AXL: variants seen among roughly 807,000 people sequenced by gnomAD.
The protein encoded by AXL is AXL receptor tyrosine kinase.
In AXL, 52 loss-of-function variants were observed where a neutral mutation model predicts 104.5. The ratio of observed to expected loss-of-function variants is 0.50; its 90% CI spans 0.40 to 0.63. The LOEUF (loss-of-function observed/expected upper bound fraction) is 0.63, where lower values mean the gene tolerates loss of function less well. AXL is among the 20% of genes least tolerant of loss of function. The pLI is 0.00. For synonymous variants in AXL, 455 were observed against 473.7 expected, an observed-to-expected ratio of 0.96 and a Z score of 0.51; for missense variants, 1,024 against 1,188.5, an observed-to-expected ratio of 0.86 and a Z score of 2.04.
chr19:41,248,249 C>T (rs2034302638), intron 12 of AXL, among the ~76,000 whole-genome samples: 1 of 152,220 alleles, frequency 6.6e-6, no homozygotes, highest in Admixed American at 6.5e-5. Context: ...ACAACTGGTA[C>T]AGCAGGGCAC....
At position 41,221,925 on chromosome 19, in the gene AXL, C is replaced by G. The variant is rs377289020; in HGVS notation, c.455C>G (p.Ala152Gly). ...LEEPEDRTVAANTPFNLSCQA... is the reference protein window; with the variant it reads ...LEEPEDRTVAGNTPFNLSCQA... ...GAGCCCGAAGACAGGACTGTGGCCG[C>G]CAACACCCCCTTCAACCTGAGCTGC... is the stretch of plus-strand genomic sequence containing the variant. Residue 152 changes from alanine to glycine, a missense_variant, in exon 4 of 20, where the codon GCC becomes GGC. Around this residue, in one of 5 missense-constraint regions of AXL, gnomAD observed 332 missense variants for 343.9 expected, o/e 0.97. Coordinates refer to ENST00000301178, the MANE Select transcript of AXL (RefSeq NM_021913.5). 1 of 1,613,734 alleles carries G rather than the reference C, an allele frequency of 6.2e-7. No homozygotes were observed. Among genetic ancestry groups the G allele is most frequent in the Non-Finnish European group, 8.5e-7 (1 of 1,179,900 alleles).
rs2122290235 is a variant in AXL at position 41,256,615 on chromosome 19, G to A, written c.2196+4G>A. On this transcript the variant is annotated splice_donor_region_variant and intron_variant, in intron 18 of 19. Transcript: ENST00000301178. Reference sequence around the variant, plus strand: ...CTACACCAGCAAGAGCGATGTGGTAGGTGCACTCCCGCCAAGAGTGGGGAA... The same window carrying A: ...CTACACCAGCAAGAGCGATGTGGTAAGTGCACTCCCGCCAAGAGTGGGGAA... 3.7e-6 allele frequency: 6 copies of A among 1,612,248 alleles called. No individual in the cohort carries two copies. The highest frequency in any genetic ancestry group is 5.1e-6 in the Non-Finnish European group (6 of 1,178,348).
In AXL at chr19:41,259,976, CCA is replaced by C. The variant is rs2034512736; in HGVS notation, c.*74_*75del. 5 of 1,352,080 alleles carry C rather than the reference CCA, an allele frequency of 3.7e-6. No individual in the cohort carries two copies. The highest frequency in any genetic ancestry group is 4.0e-6 in the Non-Finnish European group (4 of 1,002,424). The allele number at this position is 1,352,080 out of a possible 1,614,324, so 83.8% of individuals were successfully genotyped here. On this transcript the variant is annotated 3_prime_UTR_variant, in exon 20 of 20. Coordinates refer to ENST00000301178, the MANE Select transcript of AXL (RefSeq NM_021913.5). ...TGCCACTGGGGAAAACTCCACCTTCCCACTTTCCCACCCCACGCCTTATCCCC... is the reference window on the plus strand; with the variant it reads ...TGCCACTGGGGAAAACTCCACCTTCCCTTTCCCACCCCACGCCTTATCCCC...
At chr19:41,228,085 G>A (rs2033914412) in intron 4 of AXL, among the ~76,000 whole-genome samples, 1 of 151,956 alleles carries the variant, frequency 6.6e-6, no homozygotes, top group African/African-American at 2.4e-5. Context: ...CTCGGATAAA[G>A]GGGGACTGAT....
chr19:41,257,458 A>G, intron 18 of AXL, 35 bp from the exon 19 acceptor site: 2 of 1,613,906 alleles, frequency 1.2e-6, no homozygotes, highest in Non-Finnish European at 1.7e-6. Context: ...GATTCTGTGC[A>G]GGAGAGACTG....
chr19:41,255,611 T>A (rs1160986960), intron 17 of AXL, among the ~76,000 whole-genome samples: 1 of 152,026 alleles, frequency 6.6e-6, no homozygotes, highest in Non-Finnish European at 1.5e-5. Context: ...AGCTAATTTT[T>A]AAATTTTTTT....
intron 9 of AXL, 125 bp downstream of exon 9, chr19:41,239,439 G>T: frequency 7.2e-7 from 1 of 1,389,684 alleles, no homozygotes; most frequent in Non-Finnish European, 9.7e-7. Context: ...CTTACTGAGA[G>T]CTGCCCTCAC....
intron 14 of AXL, among the ~76,000 whole-genome samples, chr19:41,251,941 G>A (rs1189561922): frequency 6.6e-6 from 1 of 150,476 alleles, no homozygotes. Context: ...GTGAAACCCC[G>A]TCTCTACTAA....
chr19:41,255,358 T>C (rs1413280523), intron 17 of AXL, among the ~76,000 whole-genome samples: 1 of 142,350 alleles, frequency 7.0e-6, no homozygotes, highest in East Asian at 2.1e-4. Flanking sequence ...CTTCTTTCTT[T>C]TCTTTCTCTT....
At position 41,238,585 on chromosome 19, in the gene AXL, G is replaced by A. The variant is rs983281590; in HGVS notation, c.1110G>A (p.Ala370=). The A allele has an allele frequency of 3.3e-5, 54 of 1,612,458 alleles. No homozygotes were observed. Among genetic ancestry groups the A allele is most frequent in the East Asian group, 6.7e-5 (3 of 44,832 alleles). The change falls in exon 8 of 20, where the codon GCG becomes GCA. Residue 370 remains alanine, a synonymous_variant. Coordinates refer to ENST00000301178, the MANE Select transcript of AXL (RefSeq NM_021913.5). ...GTACCCTGTTAGGGTACCGGCTGGCGTATCAAGGCCAGGACACCCCAGAGG... is the reference window on the plus strand; with the variant it reads ...GTACCCTGTTAGGGTACCGGCTGGCATATCAAGGCCAGGACACCCCAGAGG... ...LQGTLLGYRL[A]YQGQDTPEVL...
At position 41,237,971 on chromosome 19, in the gene AXL, A is replaced by C. The variant is rs2034109385; in HGVS notation, c.811A>C (p.Ile271Leu). ...TGTGCTGTCAGACGATGGGATGGGC[A>C]TCCAGGCGGGAGAACCAGACCCCCC... ...QAVLSDDGMG[I>L]QAGEPDPPEE... is the part of the protein sequence containing the mutation. Residue 271 changes from isoleucine to leucine, a missense_variant, in exon 7 of 20, where the codon ATC (isoleucine) becomes CTC (leucine). Ile to Leu is a conservative substitution (Grantham distance 5). This residue lies in a region of AXL where 332 missense variants were observed against 343.9 expected (regional missense o/e 0.97). Coordinates refer to ENST00000301178, the MANE Select transcript of AXL (RefSeq NM_021913.5). The C allele has an allele frequency of 6.2e-7, 1 of 1,613,750 alleles. No homozygotes were observed. The highest frequency in any genetic ancestry group is 1.3e-5 in the African/African-American group (1 of 74,950).
rs2122249791 is a variant in AXL, at chr19:41,243,692, A to G, written c.1522A>G (p.Thr508Ala). 3 of 1,613,952 alleles carry G rather than the reference A, an allele frequency of 1.9e-6. No homozygotes were observed. The East Asian group carries it at 6.7e-5, about 36-fold the overall frequency. ...CGTGCGCAAGTCCTACAGTCGTCGG[A>G]CCACTGAAGCTACCTGTAAGTGAAC... ...YRVRKSYSRR[T>A]TEATLNSLGI... Residue 508 changes from threonine (T) to alanine (A), a missense_variant, in exon 12 of 20, where the codon ACC becomes GCC. Physicochemically the swap from Thr to Ala is moderately conservative, Grantham distance 58 (BLOSUM62 0). This residue lies in a region of AXL where 523 missense variants were observed against 636.0 expected (regional missense o/e 0.82). Transcript: ENST00000301178.
intron 6 of AXL, among the ~76,000 whole-genome samples, chr19:41,236,159 C>T (rs2034074748): frequency 1.3e-5 from 2 of 150,830 alleles, no homozygotes; most frequent in Non-Finnish European, 3.0e-5. Flanking sequence ...GATGAAACCT[C>T]GTCTCTACTA....
At chr19:41,236,434 G>A (rs1331822842) in intron 6 of AXL, among the ~76,000 whole-genome samples, 2 of 151,844 alleles carry the variant, frequency 1.3e-5, no homozygotes, top group African/African-American at 2.4e-5. Context: ...CCTGGGAGGC[G>A]GAGATTGCAG....
intron 6 of AXL, among the ~76,000 whole-genome samples, chr19:41,234,520 G>A (rs968423366): frequency 4.6e-5 from 7 of 151,970 alleles, no homozygotes; most frequent in Admixed American, 6.6e-5. Flanking sequence ...GTGTGACAGA[G>A]TGAGACCCTG....
At chr19:41,228,464 G>A (rs2033921156) in intron 4 of AXL, among the ~76,000 whole-genome samples, 1 of 152,154 alleles carries the variant, frequency 6.6e-6, no homozygotes, top group African/African-American at 2.4e-5. Flanking sequence ...TGAGGCAGGA[G>A]AATGGCTTGA....
chr19:41,233,026 G>A (rs2034019164), intron 6 of AXL, among the ~76,000 whole-genome samples: 1 of 151,512 alleles, frequency 6.6e-6, no homozygotes, highest in Non-Finnish European at 1.5e-5. Flanking sequence ...GTCTCGCTCT[G>A]TTACCCAGAC....
chr19:41,225,730 G>A (rs934145787), intron 4 of AXL, among the ~76,000 whole-genome samples: 4 of 152,102 alleles, frequency 2.6e-5, no homozygotes, highest in Non-Finnish European at 1.5e-5. Context: ...GTGTCACTGT[G>A]TTTGTGACAT....
At chr19:41,240,556 C>T (rs2034164865) in intron 10 of AXL, among the ~76,000 whole-genome samples, 1 of 152,160 alleles carries the variant, frequency 6.6e-6, no homozygotes, top group Non-Finnish European at 1.5e-5. Flanking sequence ...AACATTCCTC[C>T]TACACCCATT....
Sources: gnomAD v4.1 joint callset for allele counts (sites outside exome capture counted in the v4.1 genomes callset) on GRCh38, gnomAD v4.1.1 for gene constraint, gnomAD v4.1.1 regional missense constraint, MANE v1.5 for transcripts, NCBI Gene and HGNC (gene_info 2026-07-23, HGNC 2026-07-21) for gene names.